Variants in ATXN7 observed in about 807,000 individuals in gnomAD.
The protein encoded by ATXN7 is ataxin 7.
ATXN7 carries 12 observed loss-of-function variants against 70.5 expected under a neutral mutation model. That is an observed-to-expected ratio of 0.17 (90% confidence interval 0.11 to 0.28). ATXN7 has a LOEUF of 0.28. Ranked by LOEUF, ATXN7 falls within the 10% of genes least tolerant of loss-of-function variation. ATXN7 has a pLI of 1.00. For synonymous variants in ATXN7, 498 were observed against 448.7 expected, an observed-to-expected ratio of 1.11 and a Z score of -1.39; for missense variants, 1,256 against 1,131.7, an observed-to-expected ratio of 1.11 and a Z score of -1.58.
intron 1 of ATXN7, among the ~76,000 whole-genome samples, chr3:63,867,692 AGCCTG>A (rs1353196190): frequency 1.3e-5 from 2 of 152,114 alleles, no homozygotes; most frequent in Non-Finnish European, 2.9e-5. Context: ...ATTCAAGAGC[AGCCTG>A]GCCAACATGG....
intron 1 of ATXN7, among the ~76,000 whole-genome samples, chr3:63,897,649 G>A (rs1575861688): frequency 1.3e-5 from 2 of 152,164 alleles, no homozygotes; most frequent in African/African-American, 4.8e-5. Flanking sequence ...TTTCATGTGA[G>A]CTCAGCCTGT....
intron 5 of ATXN7, among the ~76,000 whole-genome samples, chr3:63,976,212 G>T (rs1401387475): frequency 6.6e-6 from 1 of 152,136 alleles, no homozygotes; most frequent in African/African-American, 2.4e-5. Flanking sequence ...TTAAAATCCT[G>T]TGAAAAATAA....
intron 1 of ATXN7, among the ~76,000 whole-genome samples, chr3:63,886,620 AG>A (rs1173333714): frequency 6.6e-6 from 1 of 152,228 alleles, no homozygotes; most frequent in Non-Finnish European, 1.5e-5. Context: ...ACCAGGTGTC[AG>A]GTTTACAGGA....
chr3:63,963,360 C>T (rs2075163443), intron 5 of ATXN7, among the ~76,000 whole-genome samples: 1 of 152,048 alleles, frequency 6.6e-6, no homozygotes. Flanking sequence ...TATATAAATA[C>T]ACAAATGTAA....
chr3:63,942,832 G>A (rs2074793780), intron 4 of ATXN7, among the ~76,000 whole-genome samples: 1 of 152,220 alleles, frequency 6.6e-6, no homozygotes, highest in African/African-American at 2.4e-5. Context: ...CCTTAAGGTT[G>A]CTGCTATAAT....
At chr3:63,892,914 A>C (rs1703328463) in intron 1 of ATXN7, among the ~76,000 whole-genome samples, 1 of 152,164 alleles carries the variant, frequency 6.6e-6, no homozygotes, top group Non-Finnish European at 1.5e-5. Flanking sequence ...TCTAGATGTG[A>C]GTTACTTGGA....
chr3:64,000,895 A>G lies in ATXN7; in HGVS notation c.*1428A>G, dbSNP rs922744676. The G allele has an allele frequency of 1.5e-4, 23 of 149,408 alleles. No individual in the cohort carries two copies. Among genetic ancestry groups the G allele is most frequent in the African/African-American group, 5.4e-4 (22 of 40,434 alleles). The allele number at this position is 149,408 out of a possible 1,614,324, so 9.3% of individuals were successfully genotyped here. On this transcript the variant is annotated 3_prime_UTR_variant, in exon 13 of 13. Transcript: ENST00000674280. ...TTCCGGGACGAGCCGGAGCCTTTAA[A>G]TGGGTGCTTCCACCACTACAGGCTC...
chr3:63,983,816 T>C (rs942354253), intron 8 of ATXN7, among the ~76,000 whole-genome samples: 2 of 152,132 alleles, frequency 1.3e-5, no homozygotes, highest in African/African-American at 4.8e-5. Flanking sequence ...TGAGCTTGTA[T>C]GTTGATGTGC....
intron 5 of ATXN7, chr3:63,968,318 T>G (rs2075259520): frequency 4.2e-6 from 1 of 237,956 alleles, no homozygotes; most frequent in Admixed American, 5.4e-5. Flanking sequence ...GGGAGCCGAG[T>G]TTGTTATTAA....
intron 2 of ATXN7, among the ~76,000 whole-genome samples, chr3:63,911,139 AAC>A (rs1704001227): frequency 6.6e-6 from 1 of 152,212 alleles, no homozygotes; most frequent in Non-Finnish European, 1.5e-5. Context: ...TGCAGTGTGA[AAC>A]ATGCGTGAAA....
intron 1 of ATXN7, among the ~76,000 whole-genome samples, chr3:63,876,930 T>C (rs1702762304): frequency 6.6e-6 from 1 of 152,210 alleles, no homozygotes; most frequent in Admixed American, 6.5e-5. Flanking sequence ...GTCGGAGTAC[T>C]TCAGAATATT....
chr3:63,924,859 A>G (rs1177988422), intron 4 of ATXN7, among the ~76,000 whole-genome samples: 1 of 152,162 alleles, frequency 6.6e-6, no homozygotes, highest in Non-Finnish European at 1.5e-5. Flanking sequence ...ACATGGGGTA[A>G]AGGATCTAAG....
intron 4 of ATXN7, among the ~76,000 whole-genome samples, chr3:63,948,391 GA>G (rs1313855459): frequency 6.6e-6 from 1 of 152,134 alleles, no homozygotes; most frequent in Non-Finnish European, 1.5e-5. Context: ...TGTTCTGTTT[GA>G]AATGTATATA....
intron 5 of ATXN7, chr3:63,967,866 A>G (rs925574903): frequency 6.5e-7 from 1 of 1,534,766 alleles, no homozygotes; most frequent in Non-Finnish European, 8.7e-7. Context: ...TCATGATGCA[A>G]GCCTGCAGTA....
In ATXN7 at chr3:64,002,445, G is replaced by A. The variant is rs1001301905; in HGVS notation, c.*2978G>A. 6.6e-6 allele frequency: 1 copy of A among 152,362 alleles called. No homozygotes were observed. The highest frequency in any genetic ancestry group is 2.4e-5 in the African/African-American group (1 of 41,396). The allele number at this position is 152,362 out of a possible 1,614,324, so 9.4% of individuals were successfully genotyped here. ...TTCCCGATAGACTACATGTAACTAA[G>A]TGACACACTGCTTTTCTTTTGTTAG... On this transcript the variant is annotated 3_prime_UTR_variant, in exon 13 of 13. Transcript: ENST00000674280.
intron 5 of ATXN7, among the ~76,000 whole-genome samples, chr3:63,970,641 A>G (rs1054335084): frequency 2.6e-5 from 4 of 152,222 alleles, no homozygotes; most frequent in African/African-American, 9.6e-5. Context: ...TAGAAAGAAC[A>G]GTCCTTTTGG....
chr3:63,993,780 C>T (rs532294204), intron 11 of ATXN7, among the ~76,000 whole-genome samples: 4 of 152,290 alleles, frequency 2.6e-5, no homozygotes, highest in African/African-American at 9.6e-5. Flanking sequence ...TCTTTAGGCC[C>T]TGGCTTCCTG....
intron 1 of ATXN7, among the ~76,000 whole-genome samples, chr3:63,886,496 A>G (rs908670970): frequency 2.6e-5 from 4 of 152,188 alleles, no homozygotes; most frequent in African/African-American, 4.8e-5. Flanking sequence ...TACACTGTAC[A>G]ATTTTGTCAC....
intron 12 of ATXN7, chr3:63,997,594 C>G: frequency 6.5e-7 from 1 of 1,538,546 alleles, no homozygotes; most frequent in Non-Finnish European, 8.8e-7. Context: ...TCCAGCTCAT[C>G]TCTCATCTTG....
Sources: allele counts gnomAD v4.1 joint callset (sites outside exome capture counted in the v4.1 genomes callset), GRCh38; gene constraint gnomAD v4.1.1; transcripts MANE v1.5; gene names NCBI Gene and HGNC (gene_info 2026-07-23, HGNC 2026-07-21).